SLC6A19: variants seen among roughly 807,000 people sequenced by gnomAD.
SLC6A19 encodes sodium-dependent neutral amino acid transporter B(0)AT1.
In SLC6A19, 67 loss-of-function variants were observed where a neutral mutation model predicts 68.3. The observed-to-expected ratio is 0.98, with a 90% CI of 0.81 to 1.20. The LOEUF (loss-of-function observed/expected upper bound fraction) is 1.20. Ranked by LOEUF, SLC6A19 falls within the 50% of genes most tolerant of loss-of-function variation. SLC6A19 has a pLI of 0.00. For synonymous variants in SLC6A19, 392 were observed against 374.9 expected (o/e 1.05, Z -0.53); for missense variants, 813 against 851.6 (o/e 0.95, Z 0.56).
rs889835516 is a variant in SLC6A19 at position 1,222,389 on chromosome 5, G to A, written c.*485G>A. 1.9e-5 allele frequency: 9 copies of A among 461,770 alleles called. No individual in the cohort carries two copies. Among genetic ancestry groups the A allele is most frequent in the East Asian group, 3.1e-5 (1 of 32,118 alleles). 28.6% of individuals were successfully genotyped at this position (461,770 alleles called of 1,614,324 possible). On this transcript the variant is annotated 3_prime_UTR_variant, in exon 12 of 12. Coordinates refer to ENST00000304460, the MANE Select transcript of SLC6A19 (RefSeq NM_001003841.3). ...TCGTACAATGGGTGTCCACATGCAC[G>A]TGTATATGTATATCTGTGAGTGTAT... is the stretch of plus-strand genomic sequence containing the variant.
intron 10 of SLC6A19, among the ~76,000 whole-genome samples, chr5:1,220,239 G>A (rs775461259): frequency 2.0e-5 from 3 of 152,076 alleles, no homozygotes; most frequent in Non-Finnish European, 4.4e-5. Flanking sequence ...ATGAAACGCC[G>A]TCTCTACTAA....
chr5:1,219,980 G>A (rs1746325440), intron 10 of SLC6A19, among the ~76,000 whole-genome samples: 1 of 151,730 alleles, frequency 6.6e-6, no homozygotes. Flanking sequence ...GATGCTCCTT[G>A]TGTGTGTGTG....
intron 5 of SLC6A19, 134 bp from the exon 6 acceptor site, chr5:1,213,819 C>A: frequency 7.0e-7 from 1 of 1,435,316 alleles, no homozygotes; most frequent in Non-Finnish European, 9.6e-7. Flanking sequence ...GCATAGCTGC[C>A]ACCCCAGGGG....
intron 8 of SLC6A19, among the ~76,000 whole-genome samples, chr5:1,217,383 AG>A (rs1375314052): frequency 6.6e-6 from 1 of 152,266 alleles, no homozygotes; most frequent in Non-Finnish European, 1.5e-5. Flanking sequence ...GCTGATGTCG[AG>A]GATACTCCAC....
intron 1 of SLC6A19, among the ~76,000 whole-genome samples, chr5:1,206,745 G>A (rs1745864481): frequency 6.6e-6 from 1 of 152,122 alleles, no homozygotes; most frequent in South Asian, 2.1e-4. Flanking sequence ...CGCAGCGTGA[G>A]GAGGGGCTGT....
intron 7 of SLC6A19, 25 bp downstream of exon 7, chr5:1,216,711 G>A (rs764830238): frequency 1.9e-6 from 3 of 1,613,688 alleles, no homozygotes; most frequent in South Asian, 2.2e-5. Context: ...CACCATCCTG[G>A]TGCCTTGGGC....
intron 10 of SLC6A19, among the ~76,000 whole-genome samples, chr5:1,219,934 C>A (rs1746324316): frequency 6.6e-6 from 1 of 152,162 alleles, no homozygotes; most frequent in South Asian, 2.1e-4. Context: ...ACGCAGAGAG[C>A]CAGAGCTCGA....
chr5:1,202,420 G>A (rs980094562), intron 1 of SLC6A19, among the ~76,000 whole-genome samples: 21 of 152,290 alleles, frequency 1.4e-4, no homozygotes, highest in Middle Eastern at 3.4e-3. Flanking sequence ...ACTGCTCCTC[G>A]TTCCTCTGGC....
At position 1,208,865 on chromosome 5, in the gene SLC6A19, C is replaced by A; in HGVS notation, c.322C>A (p.His108Asn). 1.9e-6 allele frequency: 3 copies of A among 1,612,476 alleles called. No homozygotes were observed. The highest frequency in any genetic ancestry group is 2.5e-6 in the Non-Finnish European group (3 of 1,179,842). ...RGSLGVWSSI[H>N]PALKGLGLAS... ...CAGCCTGGGTGTGTGGAGCTCCATC[C>A]ACCCGGCCCTGAAGGGCCTAGGTGA... Residue 108 changes from histidine (H) to asparagine (N), a missense_variant, in exon 2 of 12, where the codon CAC becomes AAC. His to Asn is a moderately conservative substitution (Grantham distance 68, BLOSUM62 1). Transcript: ENST00000304460.
Position 1,221,722 on chromosome 5 carries a change from A to G in SLC6A19, c.1723A>G (p.Lys575Glu). 1 of 1,614,026 alleles carries G rather than the reference A, an allele frequency of 6.2e-7. No individual in the cohort carries two copies. The highest frequency in any genetic ancestry group is 1.1e-5 in the South Asian group (1 of 91,082). The change falls in exon 12 of 12, where the codon AAG becomes GAG. Residue 575 changes from lysine (K) to glutamate (E), a missense_variant. Lys to Glu is a moderately conservative substitution (Grantham distance 56, BLOSUM62 1). Transcript: ENST00000304460. The stretch of plus-strand genomic sequence containing the variant: ...CCAGGAGGAATTTCCCAAATCCCAG[A>G]AGATCTCCTACCCGAACTGGGTGTA... The part of the protein sequence containing the change: ...PGYEEFPKSQ[K>E]ISYPNWVYVV...
chr5:1,205,952 G>T (rs764713286), intron 1 of SLC6A19, among the ~76,000 whole-genome samples: 3 of 152,064 alleles, frequency 2.0e-5, no homozygotes, highest in Non-Finnish European at 4.4e-5. Flanking sequence ...CCAGCATCCC[G>T]CCAGCCCACC....
intron 2 of SLC6A19, among the ~76,000 whole-genome samples, chr5:1,210,087 C>T (rs1227761244): frequency 6.6e-6 from 1 of 152,260 alleles, no homozygotes. Flanking sequence ...GCTACTGGTA[C>T]ATCAAAAGTT....
chr5:1,219,612 A>G lies in SLC6A19; in HGVS notation c.1486A>G (p.Ile496Val), dbSNP rs764909609. Residue 496 changes from isoleucine (I) to valine (V), a missense_variant, in exon 10 of 12, where the codon ATC (isoleucine) becomes GTC (valine). Transcript: ENST00000304460. ...DSYAGSIPLL[I>V]IAFCEMFSVV... ...CTATGCCGGCTCCATTCCCCTGCTC[A>G]TCATCGCCTTCTGCGAGATGTTCTC... The G allele has an allele frequency of 1.2e-6, 2 of 1,610,550 alleles. No individual in the cohort carries two copies. Among genetic ancestry groups the G allele is most frequent in the Non-Finnish European group, 1.7e-6 (2 of 1,180,014 alleles).
intron 1 of SLC6A19, 37 bp downstream of exon 1, chr5:1,201,889 G>A (rs374979581): frequency 1.3e-4 from 203 of 1,593,752 alleles, no homozygotes; most frequent in Non-Finnish European, 1.7e-4. Flanking sequence ...CGAGGCCGTG[G>A]CCAGGGAAGC....
In SLC6A19 at chr5:1,214,201, C is replaced by G; in HGVS notation, c.887+136C>G. 1.3e-6 allele frequency: 2 copies of G among 1,492,656 alleles called. No individual in the cohort carries two copies. The highest frequency in any genetic ancestry group is 2.6e-5 in the South Asian group (2 of 78,192). The allele number at this position is 1,492,656 out of a possible 1,614,324, so 92.5% of individuals were successfully genotyped here. On this transcript the variant is annotated intron_variant, in intron 6 of 11. Coordinates refer to ENST00000304460, the MANE Select transcript of SLC6A19 (RefSeq NM_001003841.3). This position sits in a 1 kb window ranked among gnomAD's most constrained non-coding sequence, Gnocchi z 7.4. The stretch of plus-strand genomic sequence containing the variant: ...GCTGCCCCGATGGGCCCGTTCCCTC[C>G]TGCTCGGGGTCCATGTGAGCTGAGT...
chr5:1,207,742 T>C (rs1745897300), intron 1 of SLC6A19, among the ~76,000 whole-genome samples: 1 of 152,230 alleles, frequency 6.6e-6, no homozygotes, highest in East Asian at 1.9e-4. Context: ...GTTTAGACCA[T>C]GAGTGAGTCA....
intron 1 of SLC6A19, among the ~76,000 whole-genome samples, chr5:1,202,674 C>T (rs942709622): frequency 7.7e-6 from 1 of 129,766 alleles, no homozygotes; most frequent in Non-Finnish European, 1.7e-5. Flanking sequence ...CTTCCTGCTG[C>T]CCTGGGGCAG....
At chr5:1,202,287 G>A (rs933734338) in intron 1 of SLC6A19, among the ~76,000 whole-genome samples, 4 of 152,230 alleles carry the variant, frequency 2.6e-5, no homozygotes, top group Non-Finnish European at 5.9e-5. Flanking sequence ...TGGGTTGGGG[G>A]CAGGTGACCC....
In SLC6A19 at chr5:1,221,043, C is replaced by T. The variant is rs940778680; in HGVS notation, c.1539-108C>T. ...GGATCGGGCCCTGGCAAGGGGAGGC[C>T]GGGCACCTCGCAGCACACCATCTGT... On this transcript the variant is annotated intron_variant, in intron 10 of 11. Coordinates refer to ENST00000304460, the MANE Select transcript of SLC6A19 (RefSeq NM_001003841.3). 4.1e-5 allele frequency: 58 copies of T among 1,417,200 alleles called. No homozygotes were observed. In the African/African-American group the frequency reaches 5.2e-4, roughly 13 times the overall value. The allele number at this position is 1,417,200 out of a possible 1,614,324, so 87.8% of individuals were successfully genotyped here.
Sources: allele counts gnomAD v4.1 joint callset (sites outside exome capture counted in the v4.1 genomes callset), GRCh38; gene constraint gnomAD v4.1.1; non-coding constraint Gnocchi (gnomAD v3.1); transcripts MANE v1.5; gene names NCBI Gene and HGNC (gene_info 2026-07-23, HGNC 2026-07-21).